The following RAP1A variants were observed in gnomAD, a reference collection of about 807,000 sequenced individuals.
RAP1A encodes RAP1A, member of RAS oncogene family, also known as ras-related protein Rap-1A.
Under a neutral mutation model 26.4 loss-of-function variants are expected in RAP1A, and 6 were observed. The observed-to-expected ratio is 0.23, with a 90% CI of 0.12 to 0.45. RAP1A has a LOEUF of 0.45. Among genes scored for constraint, RAP1A ranks in the 20% least tolerant of loss-of-function variants. The pLI is 0.99. For missense variants in RAP1A, 121 were observed against 217.2 expected (o/e 0.56, Z 2.78); for synonymous variants, 73 against 79.4 (o/e 0.92, Z 0.43).
intron 1 of RAP1A, chr1:111,648,238 A>G: frequency 1.9e-6 from 1 of 531,856 alleles, no homozygotes; most frequent in South Asian, 1.8e-5. Flanking sequence ...TGACCTTTGA[A>G]CTTTTTATTG....
At chr1:111,666,095 A>G (rs2101169097) in intron 1 of RAP1A, among the ~76,000 whole-genome samples, 1 of 152,336 alleles carries the variant, frequency 6.6e-6, no homozygotes, top group East Asian at 1.9e-4. Context: ...AATAGTTTTT[A>G]AATGCATTGA....
At chr1:111,598,024 T>C (rs916797376) in intron 1 of RAP1A, among the ~76,000 whole-genome samples, 19 of 152,226 alleles carry the variant, frequency 1.2e-4, no homozygotes, top group Admixed American at 3.3e-4. Flanking sequence ...GTTTCACATA[T>C]ATTATTTCAT....
At chr1:111,617,044 G>A (rs912322350), upstream of RAP1A, among the ~76,000 whole-genome samples, 40 of 152,002 alleles carry the variant, frequency 2.6e-4, no homozygotes, top group African/African-American at 5.6e-4. Context: ...GTGTGTATGC[G>A]CATGTGTGTG....
intron 1 of RAP1A, among the ~76,000 whole-genome samples, chr1:111,563,309 G>A (rs148198554): frequency 5.3e-5 from 8 of 151,464 alleles, no homozygotes; most frequent in Non-Finnish European, 7.4e-5. Context: ...AATAAACCCA[G>A]TACTGAAGTC....
chr1:111,654,474 G>C (rs1413439038), intron 1 of RAP1A, among the ~76,000 whole-genome samples: 1 of 152,216 alleles, frequency 6.6e-6, no homozygotes, highest in African/African-American at 2.4e-5. Context: ...GAATGCCTAG[G>C]TTCAAATCCT....
At chr1:111,598,118 A>G (rs1248656824) in intron 1 of RAP1A, among the ~76,000 whole-genome samples, 1 of 152,220 alleles carries the variant, frequency 6.6e-6, no homozygotes, top group African/African-American at 2.4e-5. Context: ...GCTCAAGATT[A>G]TATAACTTAG....
chr1:111,667,634 A>T (rs953399899), intron 1 of RAP1A, among the ~76,000 whole-genome samples: 10 of 151,506 alleles, frequency 6.6e-5, no homozygotes, highest in African/African-American at 2.4e-4. Context: ...GTGAGCCAAG[A>T]TCGCGCCATC....
chr1:111,633,799 A>G (rs1197533349), intron 1 of RAP1A, among the ~76,000 whole-genome samples: 2 of 152,230 alleles, frequency 1.3e-5, no homozygotes, highest in African/African-American at 2.4e-5. Flanking sequence ...AATCTGCAGT[A>G]GAAACCATGG....
chr1:111,607,166 C>A (rs994610588), intron 1 of RAP1A, among the ~76,000 whole-genome samples: 11 of 151,060 alleles, frequency 7.3e-5, no homozygotes, highest in African/African-American at 2.7e-4. Flanking sequence ...GAGGACCCTG[C>A]GGCCTTCCGC....
At chr1:111,567,188 T>C (rs574250403) in intron 1 of RAP1A, among the ~76,000 whole-genome samples, 2 of 152,248 alleles carry the variant, frequency 1.3e-5, no homozygotes, top group African/African-American at 4.8e-5. Flanking sequence ...AACTACATTA[T>C]GAATGCAGTT....
intron 1 of RAP1A, among the ~76,000 whole-genome samples, chr1:111,641,156 T>G (rs1659878925): frequency 6.6e-6 from 1 of 152,158 alleles, no homozygotes. Flanking sequence ...TAGAAATAAT[T>G]AGTTTTCTTT....
chr1:111,676,198 A>G (rs1303017939), intron 1 of RAP1A, among the ~76,000 whole-genome samples: 1 of 152,150 alleles, frequency 6.6e-6, no homozygotes, highest in African/African-American at 2.4e-5. Context: ...TCTACTAAAA[A>G]TACAAAAATT....
At chr1:111,581,837 T>C (rs1004658624) in intron 1 of RAP1A, among the ~76,000 whole-genome samples, 6 of 152,388 alleles carry the variant, frequency 3.9e-5, no homozygotes, top group Non-Finnish European at 8.8e-5. Context: ...TTGACTTTTA[T>C]TAAGTGTCCA....
At chr1:111,557,465 G>A (rs1053949819) in intron 1 of RAP1A, among the ~76,000 whole-genome samples, 1 of 151,756 alleles carries the variant, frequency 6.6e-6, no homozygotes, top group African/African-American at 2.4e-5. Context: ...CAGGAGAATC[G>A]CTGGAACCCA....
intron 1 of RAP1A, among the ~76,000 whole-genome samples, chr1:111,609,479 C>T (rs1281943050): frequency 1.3e-5 from 2 of 152,104 alleles, no homozygotes; most frequent in Admixed American, 6.5e-5. Flanking sequence ...GTTACAGAGT[C>T]TTCCATCTTT....
At chr1:111,592,662 G>A (rs1658490999) in intron 1 of RAP1A, among the ~76,000 whole-genome samples, 1 of 152,142 alleles carries the variant, frequency 6.6e-6, no homozygotes, top group Admixed American at 6.5e-5. Context: ...GGAGAACTCT[G>A]GGGTATGTTT....
intron 1 of RAP1A, among the ~76,000 whole-genome samples, chr1:111,621,432 T>C (rs1379053311): frequency 1.3e-5 from 2 of 152,216 alleles, no homozygotes. Flanking sequence ...CGATATTCTT[T>C]TGTAGCGTGA....
intron 1 of RAP1A, among the ~76,000 whole-genome samples, chr1:111,612,264 C>G (rs951140730): frequency 3.9e-5 from 6 of 152,204 alleles, no homozygotes; most frequent in Admixed American, 3.9e-4. Flanking sequence ...TGGTGCTCAT[C>G]ATTATCCAAC....
At chr1:111,699,683 T>C (rs1235158554) in intron 4 of RAP1A, among the ~76,000 whole-genome samples, 2 of 151,872 alleles carry the variant, frequency 1.3e-5, no homozygotes, top group Admixed American at 1.3e-4. Context: ...TTGTCCAAGC[T>C]GGTCTTGAAC....
Sources: allele counts gnomAD v4.1 joint callset (sites outside exome capture counted in the v4.1 genomes callset), GRCh38; gene constraint gnomAD v4.1.1; transcripts MANE v1.5; gene names NCBI Gene and HGNC (gene_info 2026-07-23, HGNC 2026-07-21).